EML2: variants seen among roughly 807,000 people sequenced by gnomAD.
EML2 encodes the protein echinoderm microtubule-associated protein-like 2.
A neutral mutation model predicts 84.7 loss-of-function variants in EML2; 59 were observed. That is an observed-to-expected ratio of 0.70 (90% confidence interval 0.56 to 0.86). EML2 has a LOEUF of 0.86. EML2 is among the 40% of genes least tolerant of loss of function. The pLI is 0.00. For missense variants in EML2, 818 were observed against 855.6 expected, an observed-to-expected ratio of 0.96 and a Z score of 0.55; for synonymous variants, 352 against 348.9, an observed-to-expected ratio of 1.01 and a Z score of -0.10.
chr19:45,621,890 G>A (rs533685381), intron 9 of EML2, among the ~76,000 whole-genome samples: 3 of 151,746 alleles, frequency 2.0e-5, no homozygotes, highest in Non-Finnish European at 4.4e-5. Context: ...GATTACAGGC[G>A]CCCACCACCA....
upstream of EML2, chr19:45,643,463 G>A (rs1974776253): frequency 7.8e-7 from 1 of 1,276,178 alleles, no homozygotes; most frequent in African/African-American, 1.5e-5. Flanking sequence ...TCCAGCCTAT[G>A]GGTGCAGCCA....
upstream of EML2, among the ~76,000 whole-genome samples, chr19:45,643,221 C>G (rs900653496): frequency 6.6e-6 from 1 of 152,142 alleles, no homozygotes; most frequent in East Asian, 1.9e-4. Context: ...CTAGCCTCCC[C>G]GTTTCCCCTC....
chr19:45,626,736 C>T lies in EML2; in HGVS notation c.710G>A (p.Gly237Asp), dbSNP rs149378245. The T allele has an allele frequency of 1.5e-5, 24 of 1,613,456 alleles. No individual in the cohort carries two copies. In the African/African-American group the frequency reaches 3.2e-4, roughly 22 times the overall value. Residue 237 changes from glycine to aspartate, a missense_variant, in exon 8 of 19, where the codon GGC becomes GAC. Physicochemically the swap from Gly to Asp is moderately conservative, Grantham distance 94. Transcript: ENST00000245925. ...GAGGCCTTGCCGCTTGCTCAAGCTG[C>T]CCCCCTCCAAGGTCCAGAAGTAGAT... Reference protein sequence around the residue: ...SHIYFWTLEGGSLSKRQGLFE... With the variant: ...SHIYFWTLEGDSLSKRQGLFE...
chr19:45,644,339 C>G (rs1176829468), upstream of EML2, among the ~76,000 whole-genome samples: 3 of 152,132 alleles, frequency 2.0e-5, no homozygotes, highest in African/African-American at 7.2e-5. Flanking sequence ...AACCCATACT[C>G]AACAGGAATG....
At chr19:45,629,920 C>T (rs773841728) in intron 7 of EML2, 31 bp downstream of exon 7, 4 of 1,558,580 alleles carry the variant, frequency 2.6e-6, no homozygotes, top group Non-Finnish European at 8.9e-7. Context: ...CAGTGGCACC[C>T]AGCAGGAGGG....
In EML2 at chr19:45,621,642, A is replaced by G. The variant is rs1971727709; in HGVS notation, c.842-5T>C. ...CCTGTGTGATACGGTTCCCACCTGC[A>G]GGGTGGCCAGGGGCAGGGTCAACAG... is the stretch of plus-strand genomic sequence containing the variant. On this transcript the variant is annotated splice_polypyrimidine_tract_variant and splice_region_variant and intron_variant, in intron 9 of 18. Coordinates refer to ENST00000245925, the MANE Select transcript of EML2 (RefSeq NM_012155.4). 7.5e-6 allele frequency: 12 copies of G among 1,605,282 alleles called. No individual in the cohort carries two copies. Among genetic ancestry groups the G allele is most frequent in the Non-Finnish European group, 9.3e-6 (11 of 1,179,162 alleles).
At chr19:45,623,887 G>A (rs551849547) in intron 9 of EML2, among the ~76,000 whole-genome samples, 49 of 152,254 alleles carry the variant, frequency 3.2e-4, no homozygotes, top group Admixed American at 5.2e-4. Context: ...GTCTCACTAT[G>A]TTGCCCTGGC....
intron 11 of EML2, among the ~76,000 whole-genome samples, chr19:45,620,126 T>A (rs1295618512): frequency 6.6e-6 from 1 of 152,126 alleles, no homozygotes; most frequent in Non-Finnish European, 1.5e-5. Flanking sequence ...TAACAAATTT[T>A]TTTTTTAGAC....
intron 3 of EML2, among the ~76,000 whole-genome samples, chr19:45,636,535 C>G (rs1189082419): frequency 6.6e-6 from 1 of 152,212 alleles, no homozygotes; most frequent in Non-Finnish European, 1.5e-5. Context: ...CTTGCACACT[C>G]TGGGTTGTCA....
At chr19:45,640,686 G>C (rs1348599964), upstream of EML2, 2 of 152,144 alleles carry the variant, frequency 1.3e-5, no homozygotes, top group Non-Finnish European at 1.5e-5. Flanking sequence ...CGAAGTGCTG[G>C]GATTACAGGC....
chr19:45,645,491 C>T (rs545170852), upstream of EML2: 5 of 1,399,834 alleles, frequency 3.6e-6, no homozygotes, highest in African/African-American at 1.5e-5. Context: ...CCGGGCCCGG[C>T]GCTGGGGTCA....
intron 7 of EML2, among the ~76,000 whole-genome samples, chr19:45,627,997 G>A (rs560835434): frequency 2.4e-4 from 37 of 152,156 alleles, no homozygotes; most frequent in African/African-American, 7.2e-4. Context: ...CCCGGGAGGC[G>A]GAGGTTGCAG....
In EML2 at chr19:45,626,738, C is replaced by G; in HGVS notation, c.708G>C (p.Gly236=). 6 of 1,613,782 alleles carry G rather than the reference C, an allele frequency of 3.7e-6. 1 individual carries two copies. Among genetic ancestry groups the G allele is most frequent in the Non-Finnish European group, 1.7e-6 (2 of 1,179,872 alleles). The change falls in exon 8 of 19, where the codon GGG becomes GGC. Residue 236 remains glycine (G), a synonymous_variant. Transcript: ENST00000245925. ...GGCCTTGCCGCTTGCTCAAGCTGCC[C>G]CCCTCCAAGGTCCAGAAGTAGATGT... ...KSHIYFWTLE[G]GSLSKRQGLF... is the part of the protein sequence containing the mutation.
At chr19:45,621,750 CTT>C (rs34741603) in intron 9 of EML2, 113 bp from the exon 10 acceptor site, 7,896 of 961,716 alleles carry the variant, frequency 8.2e-3, no homozygotes, top group South Asian at 0.014. Context: ...ACTTTTCCAC[CTT>C]TTTTTTTTTT....
chr19:45,631,913 T>C (rs12972840), intron 6 of EML2, among the ~76,000 whole-genome samples: 1 of 144,032 alleles, frequency 6.9e-6, no homozygotes, highest in Non-Finnish European at 1.5e-5. Flanking sequence ...TTTTTTTTAG[T>C]TGGAGTCTCG....
rs764316942 is a variant in EML2 at position 45,630,060 on chromosome 19, G to C, written c.511-14C>G. The C allele has an allele frequency of 2.5e-6, 4 of 1,601,182 alleles. No homozygotes were observed. The highest frequency in any genetic ancestry group is 3.4e-6 in the Non-Finnish European group (4 of 1,169,856). On this transcript the variant is annotated splice_polypyrimidine_tract_variant and intron_variant, in intron 6 of 18. Transcript: ENST00000245925. ...GTTGCCTCCATTCTAAAGAGGAGGA[G>C]AGAGGAGGGGGACAGAGGCAAGGGG...
chr19:45,614,557 T>A, intron 17 of EML2, 48 bp downstream of exon 17: 1 of 1,535,518 alleles, frequency 6.5e-7, no homozygotes, highest in Non-Finnish European at 9.0e-7. Flanking sequence ...CGGGGATGTC[T>A]CTCAGAACTA....
upstream of EML2, chr19:45,642,276 C>T (rs2122846043): frequency 1.3e-6 from 2 of 1,535,970 alleles, no homozygotes; most frequent in East Asian, 2.4e-5. Flanking sequence ...GCTCGTCTTC[C>T]TGTAACTGCA....
At chr19:45,643,837 G>C, upstream of EML2, 1 of 1,334,428 alleles carries the variant, frequency 7.5e-7, no homozygotes, top group Non-Finnish European at 9.9e-7. Flanking sequence ...ACCTGCAGAG[G>C]GAGGTGGGAG....
Sources: allele counts gnomAD v4.1 joint callset (sites outside exome capture counted in the v4.1 genomes callset), GRCh38; gene constraint gnomAD v4.1.1; transcripts MANE v1.5; gene names NCBI Gene and HGNC (gene_info 2026-07-23, HGNC 2026-07-21).